The following NXPE2 variants were observed in gnomAD, a reference collection of about 807,000 sequenced individuals.
NXPE2 encodes NXPE family member 2.
NXPE2 carries 34 observed loss-of-function variants against 34.4 expected under a neutral mutation model. That is an observed-to-expected ratio of 0.99 (90% CI 0.75 to 1.31). The LOEUF is 1.31. Among genes scored for constraint, NXPE2 ranks in the 40% most tolerant of loss-of-function variants. The probability of loss-of-function intolerance (pLI) is 0.00; values close to 1 mark genes in which losing one functional copy is unlikely to be tolerated. For synonymous variants in NXPE2, 235 were observed against 231.3 expected (o/e 1.02, Z -0.15); for missense variants, 649 against 672.5 (o/e 0.97, Z 0.39).
the NXPE2 span, among the ~76,000 whole-genome samples, chr11:114,636,680 T>C: frequency 6.6e-6 from 1 of 152,088 alleles, no homozygotes; most frequent in East Asian, 1.9e-4. Context: ...TCTCATTGAT[T>C]TCAAAGAACA....
chr11:114,708,636 A>AAAAAAG (rs1555080863), downstream of NXPE2, among the ~76,000 whole-genome samples: 1,766 of 148,458 alleles, frequency 0.012, 15 homozygotes, highest in Non-Finnish European at 0.014. Flanking sequence ...TCTCAAAAAA[A>AAAAAAG]AAAAGAAAAG....
the NXPE2 span, among the ~76,000 whole-genome samples, chr11:114,558,032 A>G: frequency 1.4e-4 from 22 of 151,902 alleles, no homozygotes; most frequent in East Asian, 3.9e-3. Flanking sequence ...AGATCTCTCA[A>G]CCCCTCACTG....
At chr11:114,572,415 C>T in the NXPE2 span, among the ~76,000 whole-genome samples, 1 of 152,004 alleles carries the variant, frequency 6.6e-6, no homozygotes, top group South Asian at 2.1e-4. Context: ...GATTATTAAG[C>T]TAATCAAGGA....
the NXPE2 span, among the ~76,000 whole-genome samples, chr11:114,650,173 C>A: frequency 6.6e-6 from 1 of 152,160 alleles, no homozygotes; most frequent in African/African-American, 2.4e-5. Context: ...TAAAGAGGAA[C>A]AAGCCCTTTC....
At chr11:114,779,960 C>T in the NXPE2 span, among the ~76,000 whole-genome samples, 1 of 152,056 alleles carries the variant, frequency 6.6e-6, no homozygotes, top group East Asian at 1.9e-4. Flanking sequence ...AAGCAGAGGC[C>T]ACTGGTTTTT....
chr11:114,730,259 A>G, the NXPE2 span, among the ~76,000 whole-genome samples: 3 of 151,884 alleles, frequency 2.0e-5, no homozygotes, highest in Admixed American at 6.6e-5. Flanking sequence ...CTATTGGCCT[A>G]TGTGTTCATT....
At chr11:114,542,572 T>A in the NXPE2 span, among the ~76,000 whole-genome samples, 13 of 151,720 alleles carry the variant, frequency 8.6e-5, no homozygotes, top group South Asian at 2.7e-3. Context: ...GGTGGGGGAG[T>A]GGGGAGAGCT....
At chr11:114,736,669 G>A in the NXPE2 span, among the ~76,000 whole-genome samples, 1 of 148,426 alleles carries the variant, frequency 6.7e-6, no homozygotes, top group Non-Finnish European at 1.5e-5. Flanking sequence ...AAGATGACAG[G>A]ATTAAGAGAC....
the NXPE2 span, among the ~76,000 whole-genome samples, chr11:114,804,377 G>T: frequency 6.6e-6 from 1 of 152,190 alleles, no homozygotes; most frequent in Non-Finnish European, 1.5e-5. Flanking sequence ...TCTATGGTCT[G>T]CAGTCTTATC....
chr11:114,674,664 A>G (rs1950837900), upstream of NXPE2, among the ~76,000 whole-genome samples: 1 of 151,828 alleles, frequency 6.6e-6, no homozygotes, highest in African/African-American at 2.4e-5. Flanking sequence ...CAATGAACAA[A>G]ACTGTTCAAC....
chr11:114,681,819 T>G (rs1313527726), intron 2 of NXPE2, among the ~76,000 whole-genome samples: 3 of 152,172 alleles, frequency 2.0e-5, no homozygotes, highest in African/African-American at 7.2e-5. Flanking sequence ...TCCTGTATAA[T>G]TTTTATACCA....
the NXPE2 span, among the ~76,000 whole-genome samples, chr11:114,630,444 T>A: frequency 1.3e-5 from 2 of 151,756 alleles, no homozygotes; most frequent in Non-Finnish European, 2.9e-5. Flanking sequence ...ATTTAATAAA[T>A]GGTGCTGGGA....
the NXPE2 span, chr11:114,583,933 G>C: frequency 1.0e-5 from 4 of 390,724 alleles, no homozygotes; most frequent in African/African-American, 8.3e-5. Flanking sequence ...TTAACTATCT[G>C]CTCCTAGATG....
intron 4 of NXPE2, among the ~76,000 whole-genome samples, 161 bp downstream of exon 4, chr11:114,704,213 A>G (rs1951429167): frequency 6.6e-6 from 1 of 152,180 alleles, no homozygotes; most frequent in African/African-American, 2.4e-5. Flanking sequence ...TTATTCTTGG[A>G]AATTATTTTC....
chr11:114,667,299 G>T, the NXPE2 span, among the ~76,000 whole-genome samples: 1 of 152,088 alleles, frequency 6.6e-6, no homozygotes, highest in East Asian at 1.9e-4. Context: ...TTTAAAAAAT[G>T]TTTTTAATAA....
At chr11:114,732,654 A>AT in the NXPE2 span, among the ~76,000 whole-genome samples, 4,693 of 151,942 alleles carry the variant, frequency 0.031, 232 homozygotes, top group African/African-American at 0.1. Context: ...ACTTTAAACA[A>AT]TTTTTTTTTA....
chr11:114,776,189 G>T, the NXPE2 span, among the ~76,000 whole-genome samples: 1 of 152,256 alleles, frequency 6.6e-6, no homozygotes, highest in Non-Finnish European at 1.5e-5. Context: ...GGATTATGGG[G>T]AGTGCTGCAT....
the NXPE2 span, among the ~76,000 whole-genome samples, chr11:114,585,405 A>G: frequency 6.6e-6 from 1 of 152,180 alleles, no homozygotes; most frequent in Admixed American, 6.5e-5. Context: ...CTTTAAGGAC[A>G]CACATAGACT....
chr11:114,766,621 C>A, the NXPE2 span, among the ~76,000 whole-genome samples: 1 of 151,516 alleles, frequency 6.6e-6, no homozygotes, highest in African/African-American at 2.4e-5. Context: ...TTCTTCTTGT[C>A]CTCTTTTCCT....
Sources: gnomAD v4.1 joint callset for allele counts (sites outside exome capture counted in the v4.1 genomes callset) on GRCh38, gnomAD v4.1.1 for gene constraint, MANE v1.5 for transcripts, NCBI Gene and HGNC (gene_info 2026-07-23, HGNC 2026-07-21) for gene names.